Variants in AKT3 observed in about 807,000 individuals in gnomAD.
AKT3 encodes the protein RAC-gamma serine/threonine-protein kinase.
A neutral mutation model predicts 65.3 loss-of-function variants in AKT3; 15 were observed. That is an observed-to-expected ratio of 0.23 (90% CI 0.15 to 0.35). AKT3 has a LOEUF of 0.35. Ranked by LOEUF, AKT3 falls within the 10% of genes least tolerant of loss-of-function variation. The pLI, the probability that AKT3 is intolerant of heterozygous loss-of-function variation, is 1.00. For missense variants in AKT3, 243 were observed against 576.5 expected, an observed-to-expected ratio of 0.42 and a Z score of 5.92; for synonymous variants, 206 against 183.8, an observed-to-expected ratio of 1.12 and a Z score of -0.98.
intron 9 of AKT3, among the ~76,000 whole-genome samples, chr1:243,570,345 A>C (rs547370760): frequency 1.2e-4 from 18 of 152,332 alleles, no homozygotes; most frequent in Admixed American, 4.6e-4. Context: ...AGTTCATGAT[A>C]ATGTTCTTTA....
At chr1:243,729,822 T>C (rs1041169285) in intron 2 of AKT3, among the ~76,000 whole-genome samples, 4 of 152,270 alleles carry the variant, frequency 2.6e-5, no homozygotes, top group African/African-American at 9.6e-5. Context: ...TTCTTCTTTA[T>C]GTATATTTTT....
At chr1:243,743,235 G>C (rs1218607241) in intron 2 of AKT3, among the ~76,000 whole-genome samples, 3 of 152,178 alleles carry the variant, frequency 2.0e-5, no homozygotes, top group African/African-American at 7.2e-5. Flanking sequence ...AAATTAGGCA[G>C]ATCAACTTTT....
chr1:243,631,330 G>T (rs994059325), intron 6 of AKT3, among the ~76,000 whole-genome samples: 1 of 151,980 alleles, frequency 6.6e-6, no homozygotes, highest in Non-Finnish European at 1.5e-5. Flanking sequence ...TCTTTTTTTT[G>T]AGACGAAGTC....
chr1:243,602,123 G>A (rs534186939), intron 8 of AKT3, among the ~76,000 whole-genome samples: 39 of 152,320 alleles, frequency 2.6e-4, no homozygotes, highest in East Asian at 1.2e-3. Context: ...GTTGAGGCTT[G>A]TAATAACATC....
In AKT3 at chr1:243,591,720, A is replaced by G. The variant is rs536978352; in HGVS notation, c.697-18672T>C. Among the ~76,000 whole-genome samples, 7 of 152,308 alleles carry G rather than the reference A, an allele frequency of 4.6e-5. No homozygotes were observed. The South Asian group carries it at 1.5e-3, about 32-fold the overall frequency. The stretch of plus-strand genomic sequence containing the variant: ...GGAAGCACATAAGATGAAGATGAAA[A>G]AAAAAGTCCCAAATCAAACTTCAAG... On this transcript the variant is annotated intron_variant, in intron 8 of 13. Coordinates refer to ENST00000673466, the MANE Select transcript of AKT3 (RefSeq NM_005465.7).
At chr1:243,494,382 A>T (rs915427740) in intron 13 of AKT3, among the ~76,000 whole-genome samples, 5 of 152,236 alleles carry the variant, frequency 3.3e-5, no homozygotes, top group Admixed American at 6.5e-5. Flanking sequence ...AGTGACTTGC[A>T]TATTTTTTTA....
At chr1:243,549,563 G>T (rs1030433686) in intron 11 of AKT3, among the ~76,000 whole-genome samples, 1 of 152,046 alleles carries the variant, frequency 6.6e-6, no homozygotes, top group African/African-American at 2.4e-5. Flanking sequence ...CAAGTAGCTG[G>T]GACTACAGCA....
intron 2 of AKT3, among the ~76,000 whole-genome samples, chr1:243,701,902 C>A (rs1685487817): frequency 6.6e-6 from 1 of 152,042 alleles, no homozygotes; most frequent in South Asian, 2.1e-4. Flanking sequence ...CAGCTTTCCT[C>A]AGAATGCTGT....
intron 2 of AKT3, among the ~76,000 whole-genome samples, chr1:243,776,348 C>T (rs899491402): frequency 2.0e-5 from 3 of 152,228 alleles, no homozygotes; most frequent in Non-Finnish European, 4.4e-5. Flanking sequence ...TATGTTGAAA[C>T]GCTAACCCCC....
chr1:243,517,750 A>C (rs1394773616), intron 12 of AKT3, among the ~76,000 whole-genome samples: 1 of 152,216 alleles, frequency 6.6e-6, no homozygotes, highest in Admixed American at 6.5e-5. Context: ...TACCAAGTCT[A>C]ATCTCTGTCT....
intron 12 of AKT3, among the ~76,000 whole-genome samples, chr1:243,519,046 A>G (rs1442752529): frequency 6.6e-6 from 1 of 152,346 alleles, no homozygotes; most frequent in East Asian, 1.9e-4. Context: ...CAGTCTAAAA[A>G]TGGATAACTT....
chr1:243,571,636 T>C (rs1247985396), intron 9 of AKT3, among the ~76,000 whole-genome samples: 1 of 152,146 alleles, frequency 6.6e-6, no homozygotes, highest in Non-Finnish European at 1.5e-5. Flanking sequence ...TACTTCTAAG[T>C]ATATTTGGAA....
intron 2 of AKT3, among the ~76,000 whole-genome samples, chr1:243,785,774 C>A (rs1236753042): frequency 6.6e-6 from 1 of 152,176 alleles, no homozygotes; most frequent in Non-Finnish European, 1.5e-5. Context: ...GGAAGGTATT[C>A]TTACATGGAG....
At chr1:243,607,862 A>G (rs1432180964) in intron 8 of AKT3, among the ~76,000 whole-genome samples, 1 of 152,168 alleles carries the variant, frequency 6.6e-6, no homozygotes, top group Non-Finnish European at 1.5e-5. Context: ...TGTGATTGTC[A>G]GCGAGTTCTC....
intron 2 of AKT3, among the ~76,000 whole-genome samples, chr1:243,763,720 G>A (rs181371605): frequency 6.6e-6 from 1 of 152,042 alleles, no homozygotes; most frequent in African/African-American, 2.4e-5. Context: ...ATATAATTTT[G>A]TAAGTATATT....
intron 12 of AKT3, among the ~76,000 whole-genome samples, chr1:243,519,504 A>AG (rs1670577858): frequency 6.6e-6 from 1 of 152,184 alleles, no homozygotes; most frequent in Non-Finnish European, 1.5e-5. Context: ...TCATGGCAAC[A>AG]GTTTTTTGGG....
In AKT3 at chr1:243,505,020, A is replaced by G; in HGVS notation, c.*229T>C. On this transcript the variant is annotated 3_prime_UTR_variant, in exon 14 of 14. Transcript: ENST00000673466. ...ATAGTAAGACAGTAGCAGCAACAGC[A>G]TGAGACCTTAGACTGAGATACAATT... 2.0e-6 allele frequency: 1 copy of G among 512,286 alleles called. No homozygotes were observed. 31.7% of individuals were successfully genotyped at this position (512,286 alleles called of 1,614,324 possible). A position where few individuals can be genotyped will look rare whatever the true frequency, so the allele number is the denominator to read the frequency against.
chr1:243,723,811 C>G (rs904885502), intron 2 of AKT3, among the ~76,000 whole-genome samples: 4 of 152,084 alleles, frequency 2.6e-5, no homozygotes, highest in Admixed American at 2.0e-4. Flanking sequence ...GTTCCAGCTA[C>G]TTGGGAGTCT....
intron 2 of AKT3, among the ~76,000 whole-genome samples, chr1:243,802,746 ATATTTTG>A (rs1692453176): frequency 6.6e-6 from 1 of 152,194 alleles, no homozygotes; most frequent in African/African-American, 2.4e-5. Flanking sequence ...AAGTAGTTTT[ATATTTTG>A]GTTGCATACA....
Sources: gnomAD v4.1 joint callset for allele counts (sites outside exome capture counted in the v4.1 genomes callset) on GRCh38, gnomAD v4.1.1 for gene constraint, MANE v1.5 for transcripts, NCBI Gene and HGNC (gene_info 2026-07-23, HGNC 2026-07-21) for gene names.